The following ARL8B variants were observed in gnomAD, a reference collection of about 807,000 sequenced individuals.
ARL8B encodes the protein ADP-ribosylation factor-like protein 8B.
A neutral mutation model predicts 30.6 loss-of-function variants in ARL8B; 9 were observed. That is an observed-to-expected ratio of 0.29 (90% confidence interval 0.18 to 0.51). The LOEUF is 0.51. Among genes scored for constraint, ARL8B ranks in the 20% least tolerant of loss-of-function variants. The pLI, the probability that ARL8B is intolerant of heterozygous loss-of-function variation, is 0.97. For missense variants in ARL8B, 130 were observed against 227.2 expected, an observed-to-expected ratio of 0.57 and a Z score of 2.75; for synonymous variants, 74 against 76.0, an observed-to-expected ratio of 0.97 and a Z score of 0.14.
At chr3:5,146,867 G>A (rs1286384321) in intron 1 of ARL8B, among the ~76,000 whole-genome samples, 1 of 152,086 alleles carries the variant, frequency 6.6e-6, no homozygotes, top group East Asian at 1.9e-4. Flanking sequence ...TTAGGGAGGA[G>A]CAAGCCGCCC....
At chr3:5,123,210 T>A (rs190435781) in intron 1 of ARL8B, among the ~76,000 whole-genome samples, 48 of 152,332 alleles carry the variant, frequency 3.2e-4, no homozygotes, top group Non-Finnish European at 1.5e-5. Flanking sequence ...ATAGTATTTA[T>A]TAAGCTAAGA....
chr3:5,138,873 G>C (rs2054349313), intron 1 of ARL8B, among the ~76,000 whole-genome samples: 1 of 152,156 alleles, frequency 6.6e-6, no homozygotes, highest in Non-Finnish European at 1.5e-5. Flanking sequence ...GCTTTACAGT[G>C]CTTACTGTTT....
At chr3:5,169,256 C>A (rs1244468974) in intron 1 of ARL8B, among the ~76,000 whole-genome samples, 1 of 151,424 alleles carries the variant, frequency 6.6e-6, no homozygotes, top group Non-Finnish European at 1.5e-5. Context: ...TATCTTCTGT[C>A]TTTATGAATT....
At chr3:5,176,553 T>A (rs986586534) in intron 6 of ARL8B, among the ~76,000 whole-genome samples, 1 of 152,192 alleles carries the variant, frequency 6.6e-6, no homozygotes, top group African/African-American at 2.4e-5. Context: ...TTATTCAGTT[T>A]AAAGTGTGGA....
At chr3:5,140,451 C>A (rs1209620485) in intron 1 of ARL8B, among the ~76,000 whole-genome samples, 5 of 152,142 alleles carry the variant, frequency 3.3e-5, no homozygotes, top group Non-Finnish European at 7.4e-5. Flanking sequence ...GTGAGGCCTC[C>A]CCAGCCATGT....
chr3:5,132,347 C>G (rs1210723476), intron 1 of ARL8B, among the ~76,000 whole-genome samples: 1 of 152,086 alleles, frequency 6.6e-6, no homozygotes, highest in Non-Finnish European at 1.5e-5. Flanking sequence ...CTCCGCCTCC[C>G]TGGTTCAAGT....
rs1226430243 is a variant in ARL8B, at chr3:5,122,569, C to G, written c.104C>G (p.Thr35Ser). The change falls in exon 1 of 7, where the codon ACC (threonine) becomes AGC (serine). Residue 35 changes from threonine (T) to serine (S), a missense_variant. Physicochemically the swap from Thr to Ser is moderately conservative, Grantham distance 58. Transcript: ENST00000256496. The stretch of plus-strand genomic sequence containing the variant: ...GGGCTGCAGTACTCGGGCAAGACCA[C>G]CTTCGTCAATGTCATCGCGGTGAGC... ...LVGLQYSGKT[T>S]FVNVIASGQF... The G allele has an allele frequency of 6.2e-7, 1 of 1,605,848 alleles. No homozygotes were observed. Among genetic ancestry groups the G allele is most frequent in the African/African-American group, 1.3e-5 (1 of 74,494 alleles).
rs1427678215 is a variant in ARL8B at position 5,179,283 on chromosome 3, C to G, written c.*570C>G. 1 of 152,472 alleles carries G rather than the reference C, an allele frequency of 6.6e-6. No individual in the cohort carries two copies. The highest frequency in any genetic ancestry group is 2.4e-5 in the African/African-American group (1 of 41,452). 9.4% of individuals were successfully genotyped at this position (152,472 alleles called of 1,614,324 possible). A position where few individuals can be genotyped will look rare whatever the true frequency, so the allele number is the denominator to read the frequency against. ...TTACATCTTAGGAATCCAAAATGGT[C>G]TGCAGAGAGTGAGCGGAGGCACCAG... On this transcript the variant is annotated 3_prime_UTR_variant, in exon 7 of 7. Transcript: ENST00000256496.
At chr3:5,152,583 T>C (rs2054494060) in intron 1 of ARL8B, among the ~76,000 whole-genome samples, 1 of 152,216 alleles carries the variant, frequency 6.6e-6, no homozygotes, top group Non-Finnish European at 1.5e-5. Flanking sequence ...CTCCTGGACT[T>C]AAACAATCCT....
At chr3:5,173,702 G>A (rs548767408) in intron 4 of ARL8B, among the ~76,000 whole-genome samples, 1 of 150,732 alleles carries the variant, frequency 6.6e-6, no homozygotes, top group South Asian at 2.1e-4. Flanking sequence ...GTGACAGAGC[G>A]AGACTCTGTC....
At chr3:5,131,398 T>TAA (rs1559275398) in intron 1 of ARL8B, among the ~76,000 whole-genome samples, 12 of 150,620 alleles carry the variant, frequency 8.0e-5, no homozygotes, top group African/African-American at 2.2e-4. Context: ...TAAAAAATTT[T>TAA]TTTTTTTTTT....
chr3:5,155,502 T>G (rs1055188133), intron 1 of ARL8B, among the ~76,000 whole-genome samples: 3 of 152,192 alleles, frequency 2.0e-5, no homozygotes, highest in Non-Finnish European at 2.9e-5. Context: ...CCTCCTATTA[T>G]CTGTCTTCTT....
At chr3:5,172,761 A>AT (rs770135338) in intron 4 of ARL8B, 21 bp downstream of exon 4, 7 of 1,344,410 alleles carry the variant, frequency 5.2e-6, no homozygotes, top group Non-Finnish European at 7.4e-6. Context: ...AATACTTGTT[A>AT]TTTTACATTG....
intron 1 of ARL8B, among the ~76,000 whole-genome samples, chr3:5,148,545 G>T (rs764326057): frequency 2.6e-5 from 4 of 152,116 alleles, no homozygotes; most frequent in Non-Finnish European, 5.9e-5. Context: ...GTGATAGGTG[G>T]TTCCAGGGCC....
At chr3:5,143,320 C>G (rs904082291) in intron 1 of ARL8B, among the ~76,000 whole-genome samples, 2 of 152,160 alleles carry the variant, frequency 1.3e-5, no homozygotes, top group African/African-American at 4.8e-5. Flanking sequence ...AGATTTTTCT[C>G]AGAGTTAACT....
chr3:5,136,166 G>A (rs1199680833), intron 1 of ARL8B, among the ~76,000 whole-genome samples: 4 of 152,150 alleles, frequency 2.6e-5, no homozygotes, highest in African/African-American at 7.2e-5. Flanking sequence ...GTGTAGTGGC[G>A]TGATCTTGGC....
chr3:5,132,096 T>C (rs1174841120), intron 1 of ARL8B, among the ~76,000 whole-genome samples: 1 of 152,138 alleles, frequency 6.6e-6, no homozygotes, highest in Non-Finnish European at 1.5e-5. Context: ...GCTGTATTGC[T>C]CAGGCTGATC....
chr3:5,162,433 T>A (rs1159649205), intron 1 of ARL8B, among the ~76,000 whole-genome samples: 4 of 152,242 alleles, frequency 2.6e-5, no homozygotes, highest in Non-Finnish European at 4.4e-5. Context: ...TTTGAGTCTG[T>A]ATTGTTGTAC....
chr3:5,152,203 A>G (rs1036060091), intron 1 of ARL8B, among the ~76,000 whole-genome samples: 2 of 152,176 alleles, frequency 1.3e-5, no homozygotes, highest in African/African-American at 4.8e-5. Context: ...ATCTCTAATT[A>G]TAATTGTGGG....
Sources: allele counts gnomAD v4.1 joint callset (sites outside exome capture counted in the v4.1 genomes callset), GRCh38; gene constraint gnomAD v4.1.1; transcripts MANE v1.5; gene names NCBI Gene and HGNC (gene_info 2026-07-23, HGNC 2026-07-21).